The following TBX15 variants were observed in gnomAD, a reference collection of about 807,000 sequenced individuals.
TBX15 encodes the protein T-box transcription factor 15, also known as T-box transcription factor TBX15.
Under a neutral mutation model 53.9 loss-of-function variants are expected in TBX15, and 18 were observed. The ratio of observed to expected loss-of-function variants is 0.33; its 90% CI spans 0.23 to 0.49. TBX15 has a LOEUF of 0.49. TBX15 is among the 20% of genes least tolerant of loss of function. TBX15 has a pLI of 0.98. For synonymous variants in TBX15, 295 were observed against 278.0 expected (o/e 1.06, Z -0.61); for missense variants, 692 against 749.5 (o/e 0.92, Z 0.90).
chr1:118,960,837 T>A (rs1656848636), intron 1 of TBX15, among the ~76,000 whole-genome samples: 2 of 152,074 alleles, frequency 1.3e-5, no homozygotes, highest in African/African-American at 4.8e-5. Context: ...AGAGTCGAGG[T>A]CTGGTCAACA....
At chr1:118,898,518 T>A (rs1481537366) in intron 7 of TBX15, among the ~76,000 whole-genome samples, 3 of 152,104 alleles carry the variant, frequency 2.0e-5, no homozygotes, top group Admixed American at 2.0e-4. Context: ...AGAGGGGTGT[T>A]GTTTTATATA....
At chr1:118,970,318 A>G (rs558965624) in intron 1 of TBX15, among the ~76,000 whole-genome samples, 81 of 152,160 alleles carry the variant, frequency 5.3e-4, no homozygotes, top group Non-Finnish European at 1.0e-3. Context: ...ATGGCTTGGA[A>G]ACCACCACCC....
At chr1:118,916,914 GAAA>G (rs1158165377) in intron 5 of TBX15, among the ~76,000 whole-genome samples, 1 of 151,880 alleles carries the variant, frequency 6.6e-6, no homozygotes, top group Admixed American at 6.6e-5. Flanking sequence ...TAAAAATCAA[GAAA>G]AAACAGATGC....
intron 6 of TBX15, among the ~76,000 whole-genome samples, chr1:118,906,768 G>A (rs1035132111): frequency 6.6e-6 from 1 of 152,154 alleles, no homozygotes; most frequent in South Asian, 2.1e-4. Flanking sequence ...CCTCTGACAT[G>A]TTATGTAAAA....
chr1:118,903,516 T>A (rs1176683429), intron 6 of TBX15, among the ~76,000 whole-genome samples: 2 of 152,276 alleles, frequency 1.3e-5, no homozygotes, highest in East Asian at 3.9e-4. Flanking sequence ...CTTTTTAATG[T>A]TTCCTTTGTT....
rs183480304 is a variant in TBX15, at chr1:118,933,565, C to A, written c.206-1733G>T. ...GCAGCTATTTTTGGTCTTCTCCAAG[C>A]ACTGAAAAGTAGAACTACTTATCTA... is the stretch of plus-strand genomic sequence containing the variant. On this transcript the variant is annotated intron_variant, in intron 1 of 7. Coordinates refer to ENST00000369429, the MANE Select transcript of TBX15 (RefSeq NM_001330677.2). 3.3e-5 allele frequency among the ~76,000 whole-genome samples: 5 copies of A among 152,046 alleles called. No homozygotes were observed. The East Asian group carries it at 9.7e-4, about 29-fold the overall frequency.
rs1310217557 is a variant in TBX15, at chr1:118,883,880, G to A, written c.*852C>T. The A allele has an allele frequency of 6.5e-6, 1 of 152,730 alleles. No homozygotes were observed. The highest frequency in any genetic ancestry group is 1.5e-5 in the Non-Finnish European group (1 of 68,162). The allele number at this position is 152,730 out of a possible 1,614,324, so 9.5% of individuals were successfully genotyped here. A position where few individuals can be genotyped will look rare whatever the true frequency, so the allele number is the denominator to read the frequency against. The stretch of plus-strand genomic sequence containing the variant: ...GACAAACCAAAAACACGTCTCCTTG[G>A]TGAATTAAAATTCTCATCATTGCTC... On this transcript the variant is annotated 3_prime_UTR_variant, in exon 8 of 8. Coordinates refer to ENST00000369429, the MANE Select transcript of TBX15 (RefSeq NM_001330677.2).
chr1:118,931,877 C>CAGTTTCTTTTATG, intron 1 of TBX15, 45 bp from the exon 2 acceptor site: 5 of 1,537,842 alleles, frequency 3.3e-6, no homozygotes, highest in Non-Finnish European at 4.4e-6. Context: ...CTGCTGAGCT[C>CAGTTTCTTTTATG]CCCTCACCCA....
At chr1:118,945,448 A>T (rs894027499) in intron 1 of TBX15, among the ~76,000 whole-genome samples, 3 of 152,184 alleles carry the variant, frequency 2.0e-5, no homozygotes, top group Non-Finnish European at 4.4e-5. Context: ...TTTGAGGGTT[A>T]CTGCACACAG....
chr1:118,897,362 G>A (rs1214159915), intron 7 of TBX15, among the ~76,000 whole-genome samples: 23 of 152,072 alleles, frequency 1.5e-4, no homozygotes, highest in Admixed American at 1.5e-3. Context: ...TAGATCTTGG[G>A]GATACAGCAT....
At chr1:118,926,432 A>C (rs1655596958) in intron 3 of TBX15, 78 bp downstream of exon 3, 1 of 1,287,634 alleles carries the variant, frequency 7.8e-7, no homozygotes, top group Admixed American at 1.8e-5. Context: ...TTGCTAAACT[A>C]TTTCCTCTAA....
At chr1:118,931,878 C>T in intron 1 of TBX15, 46 bp from the exon 2 acceptor site, 1 of 1,534,488 alleles carries the variant, frequency 6.5e-7, no homozygotes, top group East Asian at 2.4e-5. Flanking sequence ...TGCTGAGCTC[C>T]CCTCACCCAT....
At chr1:118,888,208 G>A (rs1231255742) in intron 7 of TBX15, among the ~76,000 whole-genome samples, 1 of 152,138 alleles carries the variant, frequency 6.6e-6, no homozygotes, top group East Asian at 1.9e-4. Flanking sequence ...ATTAACCTCT[G>A]TCCAGCTCAT....
chr1:118,884,983 A>T lies in TBX15; in HGVS notation c.1558T>A (p.Tyr520Asn). 1 of 1,614,150 alleles carries T rather than the reference A, an allele frequency of 6.2e-7. No individual in the cohort carries two copies. The highest frequency in any genetic ancestry group is 1.1e-5 in the South Asian group (1 of 91,090). The change falls in exon 8 of 8, where the codon TAC becomes AAC. Residue 520 changes from tyrosine (Y) to asparagine (N), a missense_variant. Around this residue, in one of 3 missense-constraint regions of TBX15, gnomAD observed 375 missense variants for 371.6 expected, o/e 1.01. Transcript: ENST00000369429. ...AGCCTAGGGGAAGTGGGGAAATTGT[A>T]TCCATACAGGTTGTAAGGGTTGTGA... ...SLHNPYNLYG[Y>N]NFPTSPRLAA... is the part of the protein sequence containing the mutation.
chr1:118,900,376 A>G (rs1466249972), intron 6 of TBX15, among the ~76,000 whole-genome samples: 2 of 152,156 alleles, frequency 1.3e-5, no homozygotes, highest in Non-Finnish European at 2.9e-5. Flanking sequence ...AAGAAATTTT[A>G]TTTTAGGTGA....
intron 6 of TBX15, among the ~76,000 whole-genome samples, 171 bp from the exon 7 acceptor site, chr1:118,899,296 G>A (rs972224213): frequency 7.9e-5 from 12 of 152,176 alleles, no homozygotes; most frequent in African/African-American, 2.7e-4. Flanking sequence ...ATGCTGGACT[G>A]CAGGGGGAAT....
intron 1 of TBX15, among the ~76,000 whole-genome samples, chr1:118,950,351 A>G (rs1656477261): frequency 6.6e-6 from 1 of 152,228 alleles, no homozygotes; most frequent in Non-Finnish European, 1.5e-5. Context: ...TTGAGGATGC[A>G]GAATCCAAGA....
intron 1 of TBX15, among the ~76,000 whole-genome samples, chr1:118,943,075 T>G (rs1656238680): frequency 6.6e-6 from 1 of 152,208 alleles, no homozygotes; most frequent in African/African-American, 2.4e-5. Flanking sequence ...TGAGCCAATT[T>G]CTTCATCTAA....
intron 5 of TBX15, among the ~76,000 whole-genome samples, chr1:118,914,820 T>C (rs1655145362): frequency 6.6e-6 from 1 of 152,166 alleles, no homozygotes. Context: ...TGAGACTGAA[T>C]GGGGCAGGAT....
Sources: allele counts gnomAD v4.1 joint callset (sites outside exome capture counted in the v4.1 genomes callset), GRCh38; gene constraint gnomAD v4.1.1; regional missense constraint gnomAD v4.1.1; transcripts MANE v1.5; gene names NCBI Gene and HGNC (gene_info 2026-07-23, HGNC 2026-07-21).